HRH1: variants seen among roughly 807,000 people sequenced by gnomAD.
HRH1 encodes the protein histamine receptor H1.
HRH1 carries 6 observed loss-of-function variants against 10.3 expected under a neutral mutation model. That is an observed-to-expected ratio of 0.58 (90% CI 0.32 to 1.15). The LOEUF is 1.15. Among genes scored for constraint, HRH1 ranks in the 50% most tolerant of loss-of-function variants. The pLI is 0.05. For missense variants in HRH1, 514 were observed against 615.3 expected (o/e 0.84, Z 1.74); for synonymous variants, 242 against 236.7 (o/e 1.02, Z -0.21).
chr3:11,238,694 C>G (rs1279228334), intron 1 of HRH1, among the ~76,000 whole-genome samples: 1 of 152,196 alleles, frequency 6.6e-6, no homozygotes, highest in East Asian at 1.9e-4. Flanking sequence ...CTTCCTGTCC[C>G]CCCCTCCACT....
intron 1 of HRH1, among the ~76,000 whole-genome samples, chr3:11,160,974 GA>G (rs1428714036): frequency 6.6e-6 from 1 of 152,228 alleles, no homozygotes. Context: ...GTATCAATGG[GA>G]AGAGGAGAGT....
intron 1 of HRH1, among the ~76,000 whole-genome samples, chr3:11,157,824 A>G (rs1214278275): frequency 1.3e-5 from 2 of 152,226 alleles, no homozygotes; most frequent in African/African-American, 4.8e-5. Context: ...TGAGCAGAAG[A>G]GGTTGAGGAA....
rs376426519 is a variant in HRH1 at position 11,250,136 on chromosome 3, G to A, written c.-35-8867G>A. ...CCGCTCACTGCAGGCTCCGACTCCCGCGTTCACGCCATTCTCCTGCCTCAG... is the reference window on the plus strand; with the variant it reads ...CCGCTCACTGCAGGCTCCGACTCCCACGTTCACGCCATTCTCCTGCCTCAG... On this transcript the variant is annotated intron_variant, in intron 1 of 1. Coordinates refer to ENST00000431010, the MANE Select transcript of HRH1 (RefSeq NM_001098212.2). Among the ~76,000 whole-genome samples the A allele has an allele frequency of 6.0e-5, 8 of 132,640 alleles. No individual in the cohort carries two copies. In the East Asian group the frequency reaches 1.5e-3, roughly 25 times the overall value. The allele number at this position is 132,640 out of a possible 152,430, so 87.0% of individuals were successfully genotyped here.
chr3:11,216,781 G>A (rs1414685989), intron 1 of HRH1, among the ~76,000 whole-genome samples: 4 of 152,196 alleles, frequency 2.6e-5, no homozygotes, highest in African/African-American at 9.7e-5. Flanking sequence ...TTGGGAGGCT[G>A]AGGCAGGAGA....
intron 1 of HRH1, among the ~76,000 whole-genome samples, chr3:11,156,902 G>T (rs554623304): frequency 1.3e-5 from 2 of 152,212 alleles, no homozygotes; most frequent in African/African-American, 4.8e-5. Context: ...TAGATGTAAT[G>T]TGTGCCCCAA....
At chr3:11,152,070 C>T (rs1172640602), upstream of HRH1, among the ~76,000 whole-genome samples, 5 of 152,184 alleles carry the variant, frequency 3.3e-5, no homozygotes, top group South Asian at 6.2e-4. Flanking sequence ...GGCTCAGCTG[C>T]TTCCCACCTG....
At chr3:11,139,268 C>T (rs1215540848) in intron 1 of HRH1, among the ~76,000 whole-genome samples, 5 of 150,546 alleles carry the variant, frequency 3.3e-5, no homozygotes, top group East Asian at 3.9e-4. Flanking sequence ...ATTACAGGAA[C>T]GAGCCGCCCG....
intron 1 of HRH1, among the ~76,000 whole-genome samples, chr3:11,226,740 AGCCAGGT>A (rs1938893237): frequency 6.6e-6 from 1 of 151,958 alleles, no homozygotes; most frequent in South Asian, 2.1e-4. Flanking sequence ...ACAAAAAAAT[AGCCAGGT>A]GTCATGGTGG....
chr3:11,234,433 C>G (rs1299215541), intron 1 of HRH1: 6 of 1,603,764 alleles, frequency 3.7e-6, no homozygotes, highest in Non-Finnish European at 5.1e-6. Flanking sequence ...AGTCTGACCC[C>G]TTGATCTCCT....
intron 1 of HRH1, among the ~76,000 whole-genome samples, chr3:11,205,771 T>C (rs571343155): frequency 1.3e-5 from 2 of 151,822 alleles, no homozygotes; most frequent in African/African-American, 4.8e-5. Context: ...AAGTGATTCT[T>C]CTGCCTCAGC....
At position 11,171,712 on chromosome 3, in the gene HRH1, C is replaced by A. The variant is rs1937154952; in HGVS notation, c.-36+17158C>A. Among the ~76,000 whole-genome samples, 4 of 152,224 alleles carry A rather than the reference C, an allele frequency of 2.6e-5. No homozygotes were observed. In the South Asian group the frequency reaches 8.3e-4, roughly 32 times the overall value. Reference sequence around the variant, plus strand: ...CCAGGACCCCTGAATAACCATGTGTCATTGGTCTTAGAGGACTAGAAGGGG... The same window carrying A: ...CCAGGACCCCTGAATAACCATGTGTAATTGGTCTTAGAGGACTAGAAGGGG... On this transcript the variant is annotated intron_variant, in intron 1 of 1. Transcript: ENST00000431010.
intron 1 of HRH1, among the ~76,000 whole-genome samples, chr3:11,205,851 G>A (rs1938103717): frequency 6.6e-6 from 1 of 151,936 alleles, no homozygotes; most frequent in African/African-American, 2.4e-5. Context: ...TAGTAGAGAT[G>A]GGGTTTCACC....
At chr3:11,227,727 T>C (rs1401134480) in intron 1 of HRH1, among the ~76,000 whole-genome samples, 2 of 152,222 alleles carry the variant, frequency 1.3e-5, no homozygotes, top group East Asian at 3.8e-4. Flanking sequence ...TGTGGTTTCT[T>C]GACTTGCCCA....
At chr3:11,202,193 C>A (rs1015621321) in intron 1 of HRH1, among the ~76,000 whole-genome samples, 6 of 152,178 alleles carry the variant, frequency 3.9e-5, no homozygotes, top group Admixed American at 2.0e-4. Context: ...CATGTGAGGT[C>A]AGGAGTTCAT....
At chr3:11,165,684 C>G (rs190631369) in intron 1 of HRH1, among the ~76,000 whole-genome samples, 59 of 152,290 alleles carry the variant, frequency 3.9e-4, no homozygotes, top group Admixed American at 7.2e-4. Flanking sequence ...AGAGGGCTTT[C>G]TCTGCATTGG....
intron 1 of HRH1, among the ~76,000 whole-genome samples, chr3:11,159,700 G>A (rs1236072753): frequency 6.6e-6 from 1 of 152,144 alleles, no homozygotes; most frequent in Non-Finnish European, 1.5e-5. Flanking sequence ...AGGTTATGCT[G>A]GCCTCACAAA....
At chr3:11,176,314 A>G (rs1937248052) in intron 1 of HRH1, among the ~76,000 whole-genome samples, 1 of 152,236 alleles carries the variant, frequency 6.6e-6, no homozygotes, top group African/African-American at 2.4e-5. Context: ...GAACATTTGA[A>G]AAGTGGACAG....
chr3:11,203,280 T>C (rs1302245661), intron 1 of HRH1, among the ~76,000 whole-genome samples: 1 of 152,194 alleles, frequency 6.6e-6, no homozygotes, highest in Admixed American at 6.5e-5. Context: ...AGGAGTATAA[T>C]TGCTGCATGG....
At chr3:11,244,391 C>T (rs954927839) in intron 1 of HRH1, among the ~76,000 whole-genome samples, 1 of 152,160 alleles carries the variant, frequency 6.6e-6, no homozygotes, top group African/African-American at 2.4e-5. Context: ...AGCTGAGAAG[C>T]AGAGTTCTAG....
Sources: gnomAD v4.1 joint callset for allele counts (sites outside exome capture counted in the v4.1 genomes callset) on GRCh38, gnomAD v4.1.1 for gene constraint, MANE v1.5 for transcripts, NCBI Gene and HGNC (gene_info 2026-07-23, HGNC 2026-07-21) for gene names.